Variants in MGAT4C observed in about 807,000 individuals in gnomAD.
MGAT4C encodes MGAT4 family member C, also known as alpha-1,3-mannosyl-glycoprotein 4-beta-N-acetylglucosaminyltransferase C.
Under a neutral mutation model 40.1 loss-of-function variants are expected in MGAT4C, and 19 were observed. The observed-to-expected ratio is 0.47, with a 90% CI of 0.33 to 0.70. The LOEUF (loss-of-function observed/expected upper bound fraction) is 0.70, where lower values mean the gene tolerates loss of function less well. Among genes scored for constraint, MGAT4C ranks in the 30% least tolerant of loss-of-function variants. MGAT4C has a pLI of 0.02. For synonymous variants in MGAT4C, 181 were observed against 187.1 expected, an observed-to-expected ratio of 0.97 and a Z score of 0.27; for missense variants, 491 against 563.2, an observed-to-expected ratio of 0.87 and a Z score of 1.30.
At chr12:86,079,478 T>C (rs1204736520) in intron 1 of MGAT4C, among the ~76,000 whole-genome samples, 1 of 152,152 alleles carries the variant, frequency 6.6e-6, no homozygotes. Flanking sequence ...GGACAAACTG[T>C]GAGTCCAGAA....
chr12:85,972,454 G>A lies in MGAT4C; in HGVS notation c.*6835C>T. 6.6e-6 allele frequency: 1 copy of A among 150,874 alleles called. No homozygotes were observed. Among genetic ancestry groups the A allele is most frequent in the South Asian group, 2.1e-4 (1 of 4,802 alleles). 9.3% of individuals were successfully genotyped at this position (150,874 alleles called of 1,614,324 possible). On this transcript the variant is annotated 3_prime_UTR_variant, in exon 5 of 5. Transcript: ENST00000611864. ...TTCTAAAACAAAAAAAAAGACTTTA[G>A]GAGTTTTAATTATTTTTAATATATT...
chr12:86,248,043 T>G (rs1488104142), intron 1 of MGAT4C, among the ~76,000 whole-genome samples: 1 of 152,182 alleles, frequency 6.6e-6, no homozygotes, highest in Non-Finnish European at 1.5e-5. Context: ...ATTCTGAGTC[T>G]CCTTTGTTTG....
At chr12:86,804,118 G>A (rs1047159464) in intron 1 of MGAT4C, among the ~76,000 whole-genome samples, 14 of 151,254 alleles carry the variant, frequency 9.3e-5, no homozygotes, top group Non-Finnish European at 1.8e-4. Flanking sequence ...CCTTTGTAGG[G>A]ACATGGATGA....
intron 2 of MGAT4C, among the ~76,000 whole-genome samples, chr12:86,021,819 T>C (rs1375329221): frequency 6.6e-6 from 1 of 152,154 alleles, no homozygotes; most frequent in Non-Finnish European, 1.5e-5. Context: ...ACCACTAGTA[T>C]AGTATAAAAG....
intron 4 of MGAT4C, among the ~76,000 whole-genome samples, chr12:86,277,891 T>G (rs1237440146): frequency 6.6e-6 from 1 of 152,110 alleles, no homozygotes; most frequent in East Asian, 1.9e-4. Flanking sequence ...TTTTTTGGGG[T>G]TCCATGTAAA....
chr12:86,522,966 A>G (rs888717022), intron 2 of MGAT4C, among the ~76,000 whole-genome samples: 2 of 151,516 alleles, frequency 1.3e-5, no homozygotes, highest in Admixed American at 6.6e-5. Context: ...TTTCATTTCT[A>G]ATTGTGTTTA....
At chr12:86,266,616 T>C (rs1376824990) in intron 4 of MGAT4C, among the ~76,000 whole-genome samples, 1 of 152,130 alleles carries the variant, frequency 6.6e-6, no homozygotes, top group Admixed American at 6.5e-5. Flanking sequence ...ATTGTGTCCT[T>C]GTCTGGTTTT....
At position 86,238,418 on chromosome 12, in the gene MGAT4C, AT is replaced by A. The variant is rs759417422; in HGVS notation, c.-57+17820del. Among the ~76,000 whole-genome samples the A allele has an allele frequency of 1.5e-4, 23 of 152,060 alleles. 1 individual carries two copies. Among genetic ancestry groups the A allele is most frequent in the Non-Finnish European group, 2.2e-4 (15 of 67,942 alleles). ...ATCAAGTTTACAAAATCATAAAAAAATCATTACAGTACAAATGTAGGCACAT... is the reference window on the plus strand; with the variant it reads ...ATCAAGTTTACAAAATCATAAAAAAACATTACAGTACAAATGTAGGCACAT... On this transcript the variant is annotated intron_variant, in intron 1 of 4. Transcript: ENST00000611864.
At chr12:86,217,290 T>C (rs1950709071) in intron 1 of MGAT4C, among the ~76,000 whole-genome samples, 1 of 152,168 alleles carries the variant, frequency 6.6e-6, no homozygotes, top group Admixed American at 6.5e-5. Flanking sequence ...GTCTCCTGCC[T>C]CAGCCTCCTG....
At chr12:86,485,628 A>G (rs1347965882) in intron 2 of MGAT4C, among the ~76,000 whole-genome samples, 1 of 152,154 alleles carries the variant, frequency 6.6e-6, no homozygotes, top group Non-Finnish European at 1.5e-5. Context: ...GAGAAAGGAG[A>G]GGGTAAGCAA....
At chr12:86,274,599 T>C (rs556703209) in intron 4 of MGAT4C, among the ~76,000 whole-genome samples, 7 of 152,240 alleles carry the variant, frequency 4.6e-5, no homozygotes, top group Admixed American at 2.0e-4. Context: ...TGCTAGACAA[T>C]AACCAAGAAC....
At position 86,714,436 on chromosome 12, in the gene MGAT4C, T is replaced by A. The variant is rs181032821; in HGVS notation, c.-229+12773A>T. On this transcript the variant is annotated intron_variant, in intron 2 of 7. Coordinates refer to the MGAT4C transcript ENST00000548651. ...TCATCTTGAATTGTAGCTCCTGTAATTCCCACGTGTTGTGGGAGGGACCCG... is the reference window on the plus strand; with the variant it reads ...TCATCTTGAATTGTAGCTCCTGTAAATCCCACGTGTTGTGGGAGGGACCCG... Among the ~76,000 whole-genome samples the A allele has an allele frequency of 2.6e-5, 4 of 152,254 alleles. No homozygotes were observed. The East Asian group carries it at 7.7e-4, about 29-fold the overall frequency.
chr12:86,773,810 C>T (rs1217552084), intron 1 of MGAT4C, among the ~76,000 whole-genome samples: 2 of 151,742 alleles, frequency 1.3e-5, no homozygotes, highest in Non-Finnish European at 2.9e-5. Context: ...TTTGTAATTA[C>T]ATATAATGTA....
chr12:86,419,786 G>A (rs983361293), intron 3 of MGAT4C, among the ~76,000 whole-genome samples: 1 of 152,256 alleles, frequency 6.6e-6, no homozygotes, highest in East Asian at 1.9e-4. Flanking sequence ...ATAATGTGAA[G>A]GGTGTGTTTC....
rs1592996358 is a variant in MGAT4C, at chr12:86,569,251, G to A, written c.-228-133986C>T. Among the ~76,000 whole-genome samples the A allele has an allele frequency of 2.0e-5, 3 of 152,048 alleles. No homozygotes were observed. The East Asian group carries it at 5.8e-4, about 29-fold the overall frequency. On this transcript the variant is annotated intron_variant, in intron 2 of 7. Coordinates refer to the MGAT4C transcript ENST00000548651. ...CATTAAACAGATTAAAGAAACAATT[G>A]GTTGAATGGGAGAAAATATTTGCAA...
intron 1 of MGAT4C, among the ~76,000 whole-genome samples, chr12:86,233,772 T>A (rs1317483140): frequency 6.6e-6 from 1 of 152,182 alleles, no homozygotes; most frequent in Non-Finnish European, 1.5e-5. Context: ...AGCTGAATTA[T>A]CCTCTATGTT....
At chr12:86,378,428 C>T (rs551206287) in intron 3 of MGAT4C, among the ~76,000 whole-genome samples, 6 of 152,080 alleles carry the variant, frequency 3.9e-5, no homozygotes, top group Admixed American at 3.9e-4. Flanking sequence ...AGACATTTGA[C>T]TTGTATAATA....
intron 2 of MGAT4C, among the ~76,000 whole-genome samples, chr12:86,012,753 AAACAAC>A (rs552362981): frequency 2.7e-5 from 3 of 109,656 alleles, no homozygotes; most frequent in African/African-American, 3.8e-5. Flanking sequence ...ACTCCGTCTC[AAACAAC>A]AACAACAACA....
chr12:86,551,436 G>A (rs996283513), intron 2 of MGAT4C, among the ~76,000 whole-genome samples: 2 of 152,134 alleles, frequency 1.3e-5, no homozygotes, highest in Non-Finnish European at 2.9e-5. Context: ...GACATCTCTG[G>A]CAGACATTCC....
Sources: allele counts gnomAD v4.1 joint callset (sites outside exome capture counted in the v4.1 genomes callset), GRCh38; gene constraint gnomAD v4.1.1; transcripts MANE v1.5; gene names NCBI Gene and HGNC (gene_info 2026-07-23, HGNC 2026-07-21).